Variants in NCKAP5L observed in about 807,000 individuals in gnomAD.
NCKAP5L encodes the protein NCK associated protein 5 like.
Under a neutral mutation model 103.2 loss-of-function variants are expected in NCKAP5L, and 54 were observed. That is an observed-to-expected ratio of 0.52 (90% CI 0.42 to 0.66). The LOEUF (loss-of-function observed/expected upper bound fraction) is 0.66. Ranked by LOEUF, NCKAP5L falls within the 30% of genes least tolerant of loss-of-function variation. The pLI is 0.00. For synonymous variants in NCKAP5L, 762 were observed against 748.6 expected (o/e 1.02, Z -0.29); for missense variants, 1,733 against 1,750.6 (o/e 0.99, Z 0.18).
Position 49,791,764 on chromosome 12 carries a change from G to A in NCKAP5L, c.*75C>T, listed in dbSNP as rs761737120. 107 of 1,347,374 alleles carry A rather than the reference G, an allele frequency of 7.9e-5. 1 individual carries two copies. Among genetic ancestry groups the A allele is most frequent in the Admixed American group, 1.1e-4 (4 of 35,454 alleles). The allele number at this position is 1,347,374 out of a possible 1,614,324, so 83.5% of individuals were successfully genotyped here. ...CCTTCAGGGAGGGGTCCCCGTCTCC[G>A]GGGGCTGGGCATGAAGAGAGCCGGT... On this transcript the variant is annotated 3_prime_UTR_variant, in exon 13 of 13. Coordinates refer to ENST00000335999, the MANE Select transcript of NCKAP5L (RefSeq NM_001037806.4).
chr12:49,803,279 C>T (rs914317414), intron 3 of NCKAP5L, 114 bp from the exon 4 acceptor site: 24 of 951,772 alleles, frequency 2.5e-5, no homozygotes, highest in Non-Finnish European at 3.9e-5. Context: ...AACTATACCC[C>T]CACTCCAGCT....
rs1946032158 is a variant in NCKAP5L, at chr12:49,795,934, G to C, written c.1926C>G (p.Ser642=). ...HPGRRTPGNS[S]KKPSQGSGRR... The stretch of plus-strand genomic sequence containing the variant: ...GTCCTGACCCCTGGCTGGGCTTCTT[G>C]GATGAGTTGCCTGGGGTCCTGCGGC... Residue 642 remains serine (S), a synonymous_variant, in exon 8 of 13, where the codon TCC becomes TCG. Transcript: ENST00000335999. The C allele has an allele frequency of 6.5e-7, 1 of 1,528,720 alleles. No homozygotes were observed. The highest frequency in any genetic ancestry group is 1.4e-5 in the African/African-American group (1 of 71,924). The allele number at this position is 1,528,720 out of a possible 1,614,324, so 94.7% of individuals were successfully genotyped here.
intron 2 of NCKAP5L, 38 bp from the exon 3 acceptor site, chr12:49,804,118 G>C: frequency 1.3e-6 from 2 of 1,576,852 alleles, no homozygotes; most frequent in Non-Finnish European, 1.7e-6. Context: ...GAAGGAGGAG[G>C]ACAAAGATGA....
rs1435322095 is a variant in NCKAP5L, at chr12:49,797,850, C to A, written c.466-456G>T. On this transcript the variant is annotated intron_variant, in intron 7 of 12. Coordinates refer to ENST00000335999, the MANE Select transcript of NCKAP5L (RefSeq NM_001037806.4). The surrounding 1 kb of genome is among the most constrained non-coding windows in gnomAD (Gnocchi z 4.5). The stretch of plus-strand genomic sequence containing the variant: ...CAAACCCAGGCCTCCTCAGGGAACA[C>A]AGCTGACCCCGCTGACCTCATCCCC... Among the ~76,000 whole-genome samples, 1 of 152,174 alleles carries A rather than the reference C, an allele frequency of 6.6e-6. No homozygotes were observed. Among genetic ancestry groups the A allele is most frequent in the Non-Finnish European group, 1.5e-5 (1 of 68,038 alleles).
chr12:49,800,039 T>C (rs1946100995), intron 6 of NCKAP5L, among the ~76,000 whole-genome samples: 1 of 151,986 alleles, frequency 6.6e-6, no homozygotes, highest in East Asian at 1.9e-4. Context: ...CTACTAAAAA[T>C]AGAAAATTAG....
intron 1 of NCKAP5L, among the ~76,000 whole-genome samples, chr12:49,814,231 C>T (rs4463912): frequency 0.58 from 85,508 of 148,688 alleles, 27,320 homozygotes; most frequent in African/African-American, 0.84. Context: ...AAGCCTGTAA[C>T]CCCAGCGCTT....
intron 3 of NCKAP5L, 102 bp from the exon 4 acceptor site, chr12:49,803,267 C>T (rs958509792): frequency 1.3e-5 from 14 of 1,077,786 alleles, no homozygotes; most frequent in African/African-American, 3.1e-5. Flanking sequence ...TACAGGGGTG[C>T]TAACTATACC....
At chr12:49,818,734 G>A (rs1946328149) in intron 1 of NCKAP5L, among the ~76,000 whole-genome samples, 1 of 152,008 alleles carries the variant, frequency 6.6e-6, no homozygotes, top group African/African-American at 2.4e-5. Context: ...AATCATCAGG[G>A]AAATGTAAAT....
At chr12:49,800,072 A>G (rs1946101549) in intron 6 of NCKAP5L, among the ~76,000 whole-genome samples, 1 of 152,182 alleles carries the variant, frequency 6.6e-6, no homozygotes, top group Admixed American at 6.5e-5. Context: ...GCGCATGCCT[A>G]TAATCCCAGC....
intron 5 of NCKAP5L, chr12:49,802,282 C>T: frequency 4.3e-6 from 1 of 235,094 alleles, no homozygotes; most frequent in African/African-American, 2.3e-5. Flanking sequence ...CGGAGTCTCA[C>T]TTTGTCGCCA....
At chr12:49,794,534 G>A (rs900438100) in intron 8 of NCKAP5L, among the ~76,000 whole-genome samples, 7 of 151,898 alleles carry the variant, frequency 4.6e-5, no homozygotes, top group South Asian at 2.1e-4. Flanking sequence ...GATGTGGACT[G>A]TTAACTCTTC....
rs1233856124 is a variant in NCKAP5L at position 49,803,285 on chromosome 12, C to T, written c.124-120G>A. On this transcript the variant is annotated intron_variant, in intron 3 of 12. Coordinates refer to ENST00000335999, the MANE Select transcript of NCKAP5L (RefSeq NM_001037806.4). ...AGGGGTGCTAACTATACCCCCACTC[C>T]AGCTCTTGGCTGTGAGCAGATTCTC... The T allele has an allele frequency of 7.7e-6, 7 of 903,460 alleles. 1 individual carries two copies. The highest frequency in any genetic ancestry group is 5.4e-4 in the Middle Eastern group (2 of 3,692). The allele number at this position is 903,460 out of a possible 1,614,324, so 56.0% of individuals were successfully genotyped here. A position where few individuals can be genotyped will look rare whatever the true frequency, so the allele number is the denominator to read the frequency against.
At chr12:49,810,443 G>A (rs982128931) in intron 1 of NCKAP5L, among the ~76,000 whole-genome samples, 4 of 152,222 alleles carry the variant, frequency 2.6e-5, no homozygotes, top group Non-Finnish European at 2.9e-5. Context: ...CCCGAGATGA[G>A]TTTCTTCACG....
chr12:49,792,871 C>T lies in NCKAP5L; in HGVS notation c.3456G>A (p.Leu1152=). The T allele has an allele frequency of 6.5e-7, 1 of 1,546,016 alleles. No individual in the cohort carries two copies. The highest frequency in any genetic ancestry group is 8.7e-7 in the Non-Finnish European group (1 of 1,152,160). ...KNLPKTKPPR[L]DPPPGVPPAR... is the part of the protein sequence containing the mutation. The stretch of plus-strand genomic sequence containing the variant: ...CTGGGGGTACCCCAGGTGGGGGATC[C>T]AGCCGCGGTGGCTTGGTCTTAGGAA... Residue 1152 remains leucine, a synonymous_variant, in exon 11 of 13, where the codon CTG becomes CTA. Transcript: ENST00000335999. The surrounding 1 kb of genome is among the most constrained non-coding windows in gnomAD (Gnocchi z 4.5).
chr12:49,801,812 C>T lies in NCKAP5L; in HGVS notation c.351+36G>A, dbSNP rs374174434. The T allele has an allele frequency of 2.5e-6, 4 of 1,610,194 alleles. No individual in the cohort carries two copies. The African/African-American group carries it at 5.3e-5, about 22-fold the overall frequency. ...CCGATGGAGCCGAGGAGGCAGGAGG[C>T]AGTGCGATGGGAGTGAAAGGAGCGC... On this transcript the variant is annotated intron_variant, in intron 6 of 12. Coordinates refer to ENST00000335999, the MANE Select transcript of NCKAP5L (RefSeq NM_001037806.4).
intron 1 of NCKAP5L, among the ~76,000 whole-genome samples, chr12:49,815,858 C>A (rs1352109011): frequency 1.3e-5 from 2 of 152,056 alleles, no homozygotes; most frequent in African/African-American, 4.8e-5. Context: ...ATTTTCCTTG[C>A]CACAAACACT....
At chr12:49,816,317 AAAG>A (rs1051685601) in intron 1 of NCKAP5L, among the ~76,000 whole-genome samples, 1 of 152,026 alleles carries the variant, frequency 6.6e-6, no homozygotes, top group Non-Finnish European at 1.5e-5. Context: ...TTCTCATCAG[AAAG>A]AAGGTTAGAA....
In NCKAP5L at chr12:49,794,708, G is replaced by A. The variant is rs1037378644; in HGVS notation, c.3095+57C>T. The A allele has an allele frequency of 1.3e-4, 169 of 1,339,136 alleles. 1 individual carries two copies. In the African/African-American group the frequency reaches 1.6e-3, roughly 13 times the overall value. The allele number at this position is 1,339,136 out of a possible 1,614,324, so 83.0% of individuals were successfully genotyped here. On this transcript the variant is annotated intron_variant, in intron 8 of 12. Coordinates refer to ENST00000335999, the MANE Select transcript of NCKAP5L (RefSeq NM_001037806.4). ...TAGCTCCAGACGCAGGTGTGCCCAC[G>A]AAGGGAAAAGTGCCCCAAGCCCACC...
At chr12:49,813,615 C>G (rs1946264732) in intron 1 of NCKAP5L, among the ~76,000 whole-genome samples, 1 of 152,124 alleles carries the variant, frequency 6.6e-6, no homozygotes, top group Non-Finnish European at 1.5e-5. Context: ...GCCGCCTCCA[C>G]CTCCTGGGTT....
Sources: allele counts gnomAD v4.1 joint callset (sites outside exome capture counted in the v4.1 genomes callset), GRCh38; gene constraint gnomAD v4.1.1; non-coding constraint Gnocchi (gnomAD v3.1); transcripts MANE v1.5; gene names NCBI Gene and HGNC (gene_info 2026-07-23, HGNC 2026-07-21).